The following SORCS1 variants were observed in gnomAD, a reference collection of about 807,000 sequenced individuals.
The protein encoded by SORCS1 is sortilin related VPS10 domain containing receptor 1.
In SORCS1, 60 loss-of-function variants were observed where a neutral mutation model predicts 146.1. That is an observed-to-expected ratio of 0.41 (90% CI 0.33 to 0.51). The LOEUF (loss-of-function observed/expected upper bound fraction) is 0.51. SORCS1 is among the 20% of genes least tolerant of loss of function. SORCS1 has a pLI of 0.21. For missense variants in SORCS1, 1,352 were observed against 1,487.6 expected (o/e 0.91, Z 1.50); for synonymous variants, 637 against 584.0 (o/e 1.09, Z -1.31).
intron 1 of SORCS1, among the ~76,000 whole-genome samples, chr10:106,969,374 C>T (rs1442534707): frequency 6.6e-6 from 1 of 152,120 alleles, no homozygotes; most frequent in African/African-American, 2.4e-5. Flanking sequence ...TTTAGAAGAA[C>T]CAGTTCCTGA....
At chr10:106,746,442 G>A (rs1199889859) in intron 5 of SORCS1, among the ~76,000 whole-genome samples, 5 of 152,190 alleles carry the variant, frequency 3.3e-5, no homozygotes, top group Non-Finnish European at 5.9e-5. Context: ...CCTACAAAGA[G>A]GAAAGTAATC....
intron 1 of SORCS1, among the ~76,000 whole-genome samples, chr10:107,041,718 G>C (rs1029349888): frequency 6.6e-6 from 1 of 152,078 alleles, no homozygotes; most frequent in Non-Finnish European, 1.5e-5. Context: ...GAGGAAGTGA[G>C]AACACAGACC....
intron 6 of SORCS1, among the ~76,000 whole-genome samples, chr10:106,721,861 C>T (rs1337643563): frequency 1.3e-5 from 2 of 152,130 alleles, no homozygotes; most frequent in Admixed American, 1.3e-4. Flanking sequence ...TGTATATCTA[C>T]AAAGGTCTCT....
Position 106,699,059 on chromosome 10 carries a change from T to A in SORCS1, c.1413+155A>T, listed in dbSNP as rs1853927061. Among the ~76,000 whole-genome samples, 4 of 152,290 alleles carry A rather than the reference T, an allele frequency of 2.6e-5. No individual in the cohort carries two copies. The South Asian group carries it at 8.3e-4, about 32-fold the overall frequency. On this transcript the variant is annotated intron_variant, in intron 9 of 25. Coordinates refer to ENST00000263054, the MANE Select transcript of SORCS1 (RefSeq NM_052918.5). ...GATCTTCTGTGGATTGCAAATTAAC[T>A]AATAAAAATGTTCTGCAAATCTTTC...
chr10:106,733,330 C>T (rs1311336795), intron 5 of SORCS1, among the ~76,000 whole-genome samples: 2 of 152,050 alleles, frequency 1.3e-5, no homozygotes, highest in African/African-American at 4.8e-5. Context: ...TTGATGATGC[C>T]TCACCCCTAG....
At chr10:106,679,822 A>G in intron 10 of SORCS1, 88 bp from the exon 11 acceptor site, 1 of 1,034,358 alleles carries the variant, frequency 9.7e-7, no homozygotes, top group Non-Finnish European at 1.4e-6. Context: ...CCATCTAACC[A>G]ACCATCCCAT....
At chr10:106,899,920 T>C in intron 2 of SORCS1, among the ~76,000 whole-genome samples, 1 of 152,054 alleles carries the variant, frequency 6.6e-6, no homozygotes, top group East Asian at 1.9e-4. Context: ...ACTCTTCCTC[T>C]CTATATATTA....
chr10:107,090,261 A>C (rs1320169780), intron 1 of SORCS1, among the ~76,000 whole-genome samples: 1 of 152,130 alleles, frequency 6.6e-6, no homozygotes, highest in African/African-American at 2.4e-5. Context: ...GAAGCATAGG[A>C]CTCATTGGAC....
chr10:106,866,589 G>A (rs1265339418), intron 2 of SORCS1, among the ~76,000 whole-genome samples: 10 of 152,176 alleles, frequency 6.6e-5, no homozygotes, highest in Admixed American at 6.5e-4. Context: ...AGAACTCAAG[G>A]GGGAGAAAAG....
chr10:107,156,950 C>T (rs1408595211), intron 1 of SORCS1, among the ~76,000 whole-genome samples: 2 of 152,132 alleles, frequency 1.3e-5, no homozygotes, highest in Admixed American at 1.3e-4. Flanking sequence ...CCAGAAGGTC[C>T]CATCATCACT....
chr10:106,836,916 T>C (rs1010245744), intron 2 of SORCS1, among the ~76,000 whole-genome samples: 1 of 152,188 alleles, frequency 6.6e-6, no homozygotes, highest in Non-Finnish European at 1.5e-5. Context: ...CTCAGTCTAA[T>C]AGAAAAAGCA....
At chr10:106,964,718 C>G (rs1419445826) in intron 1 of SORCS1, among the ~76,000 whole-genome samples, 2 of 151,946 alleles carry the variant, frequency 1.3e-5, no homozygotes, top group Non-Finnish European at 2.9e-5. Flanking sequence ...GATCTCCTGA[C>G]CTCCTTATCT....
intron 8 of SORCS1, among the ~76,000 whole-genome samples, chr10:106,703,899 T>C (rs1589698412): frequency 6.6e-6 from 1 of 152,328 alleles, no homozygotes; most frequent in Non-Finnish European, 1.5e-5. Flanking sequence ...AGCCCCTATT[T>C]TTTCTGGGAA....
intron 21 of SORCS1, among the ~76,000 whole-genome samples, chr10:106,614,985 G>A (rs1418602983): frequency 1.3e-5 from 2 of 152,076 alleles, no homozygotes; most frequent in African/African-American, 4.8e-5. Flanking sequence ...GTGTGGCTTT[G>A]AGTAGACAAA....
intron 4 of SORCS1, among the ~76,000 whole-genome samples, chr10:106,765,014 C>A: frequency 9.6e-6 from 1 of 104,084 alleles, no homozygotes; most frequent in Non-Finnish European, 1.8e-5. Context: ...CAGAGCAAGA[C>A]ACTGTCTCAA....
intron 19 of SORCS1, among the ~76,000 whole-genome samples, chr10:106,622,477 A>G (rs1847817863): frequency 6.6e-6 from 1 of 152,182 alleles, no homozygotes; most frequent in Non-Finnish European, 1.5e-5. Context: ...TAGATGCTCA[A>G]GTATTCACTG....
intron 1 of SORCS1, among the ~76,000 whole-genome samples, chr10:107,104,599 C>T (rs1433789793): frequency 6.6e-6 from 1 of 152,162 alleles, no homozygotes; most frequent in Non-Finnish European, 1.5e-5. Flanking sequence ...GCATGTTTAA[C>T]AGGCCAGAGC....
intron 9 of SORCS1, among the ~76,000 whole-genome samples, chr10:106,695,055 C>T (rs1442313870): frequency 6.6e-6 from 1 of 152,054 alleles, no homozygotes; most frequent in Non-Finnish European, 1.5e-5. Flanking sequence ...TTGCTCTGGC[C>T]ACCATCAGAC....
At chr10:106,625,272 C>G (rs1848033281) in intron 19 of SORCS1, among the ~76,000 whole-genome samples, 1 of 150,362 alleles carries the variant, frequency 6.7e-6, no homozygotes, top group Admixed American at 6.6e-5. Context: ...GGCCTGCCTG[C>G]AGCATTTATG....
Sources: gnomAD v4.1 joint callset for allele counts (sites outside exome capture counted in the v4.1 genomes callset) on GRCh38, gnomAD v4.1.1 for gene constraint, MANE v1.5 for transcripts, NCBI Gene and HGNC (gene_info 2026-07-23, HGNC 2026-07-21) for gene names.